Variants in EVC observed in about 807,000 individuals in gnomAD.
EVC encodes evC complex member EVC.
EVC carries 116 observed loss-of-function variants against 118.9 expected under a neutral mutation model. The ratio of observed to expected loss-of-function variants is 0.98; its 90% CI spans 0.84 to 1.14. The LOEUF (loss-of-function observed/expected upper bound fraction) is 1.14. EVC is among the 50% of genes most tolerant of loss of function. The probability of loss-of-function intolerance (pLI) is 0.00; values close to 1 mark genes in which losing one functional copy is unlikely to be tolerated. For missense variants in EVC, 1,401 were observed against 1,246.4 expected, an observed-to-expected ratio of 1.12 and a Z score of -1.87; for synonymous variants, 619 against 534.7, an observed-to-expected ratio of 1.16 and a Z score of -2.18.
intron 11 of EVC, among the ~76,000 whole-genome samples, chr4:5,781,312 G>A (rs953804769): frequency 3.3e-5 from 5 of 152,100 alleles, no homozygotes; most frequent in Admixed American, 6.6e-5. Flanking sequence ...ACCCTAGCGC[G>A]ACAAAGCCGC....
At chr4:5,820,365 C>G in the EVC span, among the ~76,000 whole-genome samples, 2 of 152,194 alleles carry the variant, frequency 1.3e-5, no homozygotes, top group East Asian at 3.9e-4. Context: ...CTAATGGAAG[C>G]AAGCAACTTT....
At chr4:5,816,536 T>C (rs1577689675), downstream of EVC, among the ~76,000 whole-genome samples, 1 of 151,816 alleles carries the variant, frequency 6.6e-6, no homozygotes, top group South Asian at 2.1e-4. Flanking sequence ...AGCACCAGAG[T>C]CTTGCCTCCC....
chr4:5,791,808 C>G (rs1044517321), intron 12 of EVC, among the ~76,000 whole-genome samples: 1 of 152,090 alleles, frequency 6.6e-6, no homozygotes, highest in Non-Finnish European at 1.5e-5. Flanking sequence ...ACAGACCCAA[C>G]GTGAACACTG....
chr4:5,828,277 A>G, the EVC span: 2 of 985,256 alleles, frequency 2.0e-6, no homozygotes, highest in Admixed American at 6.1e-5. Context: ...ACAGTTTGCA[A>G]AGCCCTGGAA....
intron 11 of EVC, among the ~76,000 whole-genome samples, chr4:5,783,090 G>C (rs778369974): frequency 6.6e-6 from 1 of 150,504 alleles, no homozygotes. Flanking sequence ...GCGTGTGTGC[G>C]TGTGTGTGTG....
At chr4:5,810,915 C>A in intron 20 of EVC, 38 bp from the exon 21 acceptor site, 2 of 1,567,192 alleles carry the variant, frequency 1.3e-6, no homozygotes, top group South Asian at 1.1e-5. Context: ...GGCATGGAGT[C>A]AGCGTTCTAA....
At chr4:5,805,865 C>T (rs926770483) in intron 17 of EVC, among the ~76,000 whole-genome samples, 4 of 149,648 alleles carry the variant, frequency 2.7e-5, no homozygotes, top group Non-Finnish European at 5.9e-5. Context: ...TGTCACACCT[C>T]CTTGAATTCA....
At chr4:5,803,733 G>A (rs34744125) in intron 16 of EVC, among the ~76,000 whole-genome samples, 27,485 of 152,122 alleles carry the variant, frequency 0.18, 2,849 homozygotes, top group East Asian at 0.35. Context: ...GGCTATCCAG[G>A]TTCAGTCTCC....
In EVC at chr4:5,811,021, GA is replaced by G. The variant is rs1716840689; in HGVS notation, c.2965del (p.Arg989GlufsTer46). 1 of 1,612,068 alleles carries G rather than the reference GA, an allele frequency of 6.2e-7. No homozygotes were observed. The highest frequency in any genetic ancestry group is 1.7e-5 in the Admixed American group (1 of 59,946). ...GGGAACTCAAAGAAGATGCTAAAGA[GA>G]AGAAGCAACTTGTAGTTTAAGACCA... ...DSGNSKKMLKRRSNL is the reference protein window; with the variant it reads ...DSGNSKKMLKXRSNL On this transcript the variant is annotated frameshift_variant, in exon 21 of 21. Transcript: ENST00000264956. LOFTEE classifies it high-confidence loss of function.
rs147991815 is a variant in EVC, at chr4:5,743,999, A to T, written c.802-1205A>T. On this transcript the variant is annotated intron_variant, in intron 6 of 20. Coordinates refer to ENST00000264956, the MANE Select transcript of EVC (RefSeq NM_153717.3). The surrounding 1 kb of genome is among the most constrained non-coding windows in gnomAD (Gnocchi z 4.7). ...GTCTGCAGACCTCAGATCAAATTCC[A>T]TCTCTACGAGTTAAACAAGGCTGTC... Among the ~76,000 whole-genome samples, 172 of 152,334 alleles carry T rather than the reference A, an allele frequency of 1.1e-3. No individual in the cohort carries two copies. The highest frequency in any genetic ancestry group is 4.0e-3 in the African/African-American group (167 of 41,576).
chr4:5,753,583 C>T (rs1022340312), intron 9 of EVC, among the ~76,000 whole-genome samples: 3 of 152,138 alleles, frequency 2.0e-5, no homozygotes, highest in East Asian at 3.9e-4. Context: ...AGGCTCAAGA[C>T]GTGGAGGCAT....
At chr4:5,802,402 GCAC>G (rs1241496173) in intron 16 of EVC, among the ~76,000 whole-genome samples, 8 of 152,150 alleles carry the variant, frequency 5.3e-5, no homozygotes, top group Admixed American at 2.0e-4. Context: ...AGCCTTTTCA[GCAC>G]CAGGGACTGG....
chr4:5,807,656 A>AG (rs35212703), intron 17 of EVC, among the ~76,000 whole-genome samples: 37,539 of 152,048 alleles, frequency 0.25, 5,061 homozygotes, highest in African/African-American at 0.3. Flanking sequence ...TGAGAGTAAC[A>AG]GGCTGCCTGC....
At chr4:5,716,826 A>G (rs1447515038) in intron 1 of EVC, among the ~76,000 whole-genome samples, 2 of 152,136 alleles carry the variant, frequency 1.3e-5, no homozygotes, top group Non-Finnish European at 2.9e-5. Context: ...TTCATCTCAT[A>G]ATTTCCATGG....
intron 13 of EVC, among the ~76,000 whole-genome samples, chr4:5,794,527 C>T (rs9759406): frequency 0.29 from 43,628 of 150,734 alleles, 7,052 homozygotes; most frequent in South Asian, 0.54. Context: ...TCTCCAGCTT[C>T]AGCCTCCCGA....
the EVC span, among the ~76,000 whole-genome samples, chr4:5,822,763 C>T: frequency 1.4e-4 from 21 of 152,172 alleles, no homozygotes; most frequent in Non-Finnish European, 2.9e-5. Flanking sequence ...TGTAAGTCTG[C>T]CTTTCTTCAT....
chr4:5,753,021 C>T lies in EVC; in HGVS notation c.1284C>T (p.Ala428=). The change falls in exon 9 of 21, where the codon GCC becomes GCT. Residue 428 remains alanine (A), a synonymous_variant. Coordinates refer to ENST00000264956, the MANE Select transcript of EVC (RefSeq NM_153717.3). ...AGCTGCTCACGCAGCAGCACAAGGC[C>T]TTCTGGCAGGAGGCAGAGCGCTTCA... The part of the protein sequence containing the change: ...KEELLTQQHK[A]FWQEAERFSR... The T allele has an allele frequency of 6.2e-7, 1 of 1,609,638 alleles. No homozygotes were observed. The highest frequency in any genetic ancestry group is 8.5e-7 in the Non-Finnish European group (1 of 1,178,268).
intron 11 of EVC, among the ~76,000 whole-genome samples, chr4:5,778,180 A>T (rs1258962992): frequency 2.0e-5 from 3 of 151,506 alleles, no homozygotes; most frequent in Admixed American, 2.0e-4. Context: ...ATCATTTTTT[A>T]TGGCTGCATA....
intron 11 of EVC, among the ~76,000 whole-genome samples, chr4:5,776,086 A>T (rs1239916844): frequency 6.6e-6 from 1 of 152,018 alleles, no homozygotes; most frequent in Non-Finnish European, 1.5e-5. Flanking sequence ...TGTGTTTCTC[A>T]TGCATAGAAA....
Sources: allele counts gnomAD v4.1 joint callset (sites outside exome capture counted in the v4.1 genomes callset), GRCh38; gene constraint gnomAD v4.1.1; non-coding constraint Gnocchi (gnomAD v3.1); transcripts MANE v1.5; gene names NCBI Gene and HGNC (gene_info 2026-07-23, HGNC 2026-07-21).